The following LRFN2 variants were observed in gnomAD, a reference collection of about 807,000 sequenced individuals.
The protein encoded by LRFN2 is leucine rich repeat and fibronectin type III domain containing 2.
LRFN2 carries 18 observed loss-of-function variants against 37.3 expected under a neutral mutation model. That is an observed-to-expected ratio of 0.48 (90% CI 0.33 to 0.72). The LOEUF (loss-of-function observed/expected upper bound fraction) is 0.72. Among genes scored for constraint, LRFN2 ranks in the 30% least tolerant of loss-of-function variants. The probability of loss-of-function intolerance (pLI) is 0.02; values close to 1 mark genes in which losing one functional copy is unlikely to be tolerated. For missense variants in LRFN2, 1,006 were observed against 1,060.7 expected (o/e 0.95, Z 0.72); for synonymous variants, 556 against 466.6 (o/e 1.19, Z -2.47).
chr6:40,557,586 A>G (rs1377699971), intron 1 of LRFN2, among the ~76,000 whole-genome samples: 1 of 152,158 alleles, frequency 6.6e-6, no homozygotes, highest in Non-Finnish European at 1.5e-5. Flanking sequence ...ACAAATAAAG[A>G]TGAGAGTGGG....
At chr6:40,433,305 C>A (rs1763561661) in intron 1 of LRFN2, among the ~76,000 whole-genome samples, 174 bp from the exon 2 acceptor site, 1 of 152,256 alleles carries the variant, frequency 6.6e-6, no homozygotes, top group African/African-American at 2.4e-5. Flanking sequence ...TACTGTTTCT[C>A]TTTTCCTTAG....
At chr6:40,425,157 C>T (rs1241499408) in intron 2 of LRFN2, among the ~76,000 whole-genome samples, 1 of 152,214 alleles carries the variant, frequency 6.6e-6, no homozygotes, top group East Asian at 1.9e-4. Context: ...CATGGAAGAA[C>T]ATGGCATGGG....
intron 1 of LRFN2, among the ~76,000 whole-genome samples, chr6:40,522,151 G>T (rs1441016043): frequency 6.6e-6 from 1 of 152,184 alleles, no homozygotes; most frequent in Non-Finnish European, 1.5e-5. Flanking sequence ...GTGGCAGGGA[G>T]CTGGGGCAAG....
At chr6:40,496,930 G>T (rs185836176) in intron 1 of LRFN2, among the ~76,000 whole-genome samples, 1 of 152,040 alleles carries the variant, frequency 6.6e-6, no homozygotes, top group South Asian at 2.1e-4. Context: ...TGAAAATCCA[G>T]TTAATTACTC....
chr6:40,407,064 G>T (rs763446840), intron 2 of LRFN2, among the ~76,000 whole-genome samples: 16 of 152,156 alleles, frequency 1.1e-4, no homozygotes, highest in Non-Finnish European at 1.5e-4. Context: ...CAATGGAGAG[G>T]CCCTGTGCTT....
chr6:40,399,396 C>T (rs1387274149), intron 2 of LRFN2, among the ~76,000 whole-genome samples: 1 of 151,176 alleles, frequency 6.6e-6, no homozygotes, highest in Non-Finnish European at 1.5e-5. Flanking sequence ...AAATCCAAAC[C>T]CTGTACTGAA....
intron 1 of LRFN2, among the ~76,000 whole-genome samples, chr6:40,457,387 T>A (rs1029301882): frequency 1.3e-5 from 2 of 151,970 alleles, no homozygotes; most frequent in African/African-American, 2.4e-5. Flanking sequence ...AAAATAGCTA[T>A]CTTGTTAGTC....
chr6:40,550,377 G>A (rs1020463964), intron 1 of LRFN2, among the ~76,000 whole-genome samples: 20 of 151,872 alleles, frequency 1.3e-4, no homozygotes, highest in Non-Finnish European at 2.4e-4. Context: ...TTTAGAGAGA[G>A]TCACATTGTC....
intron 1 of LRFN2, among the ~76,000 whole-genome samples, chr6:40,473,045 C>G (rs1413803849): frequency 1.3e-5 from 2 of 152,164 alleles, no homozygotes; most frequent in Non-Finnish European, 2.9e-5. Context: ...CCTGCCTCAT[C>G]CCTGCCTCTC....
At chr6:40,400,482 A>C (rs1208948591) in intron 2 of LRFN2, among the ~76,000 whole-genome samples, 2 of 142,064 alleles carry the variant, frequency 1.4e-5, no homozygotes, top group Non-Finnish European at 3.0e-5. Flanking sequence ...GTGCAATGGC[A>C]TGATCTTGGA....
chr6:40,449,376 G>A (rs2113840942), intron 1 of LRFN2, among the ~76,000 whole-genome samples: 1 of 152,332 alleles, frequency 6.6e-6, no homozygotes, highest in East Asian at 1.9e-4. Flanking sequence ...CCCAAATAAA[G>A]ACTGTATTTC....
chr6:40,428,089 G>T (rs1272122561), intron 2 of LRFN2, among the ~76,000 whole-genome samples: 3 of 152,176 alleles, frequency 2.0e-5, no homozygotes, highest in Non-Finnish European at 4.4e-5. Context: ...ACCTCCTAAG[G>T]GTTTGTGAGA....
intron 1 of LRFN2, among the ~76,000 whole-genome samples, chr6:40,444,307 C>G (rs565332927): frequency 6.6e-6 from 1 of 152,124 alleles, no homozygotes; most frequent in Non-Finnish European, 1.5e-5. Flanking sequence ...GAGACAGAGA[C>G]AGACGAGAGA....
chr6:40,460,558 T>A (rs1764325905), intron 1 of LRFN2, among the ~76,000 whole-genome samples: 1 of 152,218 alleles, frequency 6.6e-6, no homozygotes, highest in Non-Finnish European at 1.5e-5. Context: ...GCTGTAGAAA[T>A]GCAAATTGCC....
intron 2 of LRFN2, among the ~76,000 whole-genome samples, chr6:40,414,803 C>T (rs1040067690): frequency 6.6e-6 from 1 of 152,208 alleles, no homozygotes; most frequent in Admixed American, 6.5e-5. Flanking sequence ...CACGTGACCA[C>T]AAAGCTGAAC....
intron 1 of LRFN2, among the ~76,000 whole-genome samples, chr6:40,505,255 A>T (rs907872037): frequency 3.9e-5 from 6 of 152,210 alleles, no homozygotes; most frequent in Non-Finnish European, 1.5e-5. Flanking sequence ...ATAGCCTCAT[A>T]GCCAGTCTAA....
chr6:40,534,820 G>T (rs1766419737), intron 1 of LRFN2, among the ~76,000 whole-genome samples: 1 of 152,170 alleles, frequency 6.6e-6, no homozygotes, highest in African/African-American at 2.4e-5. Flanking sequence ...CCAAGACCAA[G>T]ACAGATACCA....
intron 1 of LRFN2, among the ~76,000 whole-genome samples, chr6:40,523,557 G>T (rs1766153546): frequency 7.4e-6 from 1 of 135,360 alleles, no homozygotes; most frequent in South Asian, 2.4e-4. Context: ...TATGAAGAAG[G>T]CATAACAAGA....
chr6:40,393,978 G>A (rs1374799751), intron 2 of LRFN2, among the ~76,000 whole-genome samples: 1 of 152,198 alleles, frequency 6.6e-6, no homozygotes, highest in African/African-American at 2.4e-5. Flanking sequence ...GCAGTGTTAA[G>A]GACTGGGGGG....
Sources: gnomAD v4.1 joint callset for allele counts (sites outside exome capture counted in the v4.1 genomes callset) on GRCh38, gnomAD v4.1.1 for gene constraint, MANE v1.5 for transcripts, NCBI Gene and HGNC (gene_info 2026-07-23, HGNC 2026-07-21) for gene names.